Variants in EPHA6 observed in about 807,000 individuals in gnomAD.
The protein encoded by EPHA6 is EPH receptor A6.
Under a neutral mutation model 112.0 loss-of-function variants are expected in EPHA6, and 50 were observed. The ratio of observed to expected loss-of-function variants is 0.45; its 90% CI spans 0.36 to 0.56. The LOEUF (loss-of-function observed/expected upper bound fraction) is 0.56. Ranked by LOEUF, EPHA6 falls within the 20% of genes least tolerant of loss-of-function variation. The probability of loss-of-function intolerance (pLI) is 0.00; values close to 1 mark genes in which losing one functional copy is unlikely to be tolerated. For missense variants in EPHA6, 1,280 were observed against 1,417.4 expected (o/e 0.90, Z 1.56); for synonymous variants, 529 against 490.7 (o/e 1.08, Z -1.03).
chr3:97,736,462 AGAGAGAGAGTGTGTGTGTGT>A lies in EPHA6; in HGVS notation c.3128+346_3128+365del, dbSNP rs1158506269. Among the ~76,000 whole-genome samples the A allele has an allele frequency of 2.7e-5, 4 of 145,900 alleles. No homozygotes were observed. The Admixed American group carries it at 2.8e-4, about 10-fold the overall frequency. ...CCTTTAGAAGTAGAGAGAGAGAGAG[AGAGAGAGAGTGTGTGTGTGT>A]GTGTGTGTGTGTGTGTGTGTGTGTG... On this transcript the variant is annotated intron_variant, in intron 16 of 17. Transcript: ENST00000389672.
intron 14 of EPHA6, among the ~76,000 whole-genome samples, chr3:97,641,843 G>C (rs1053210142): frequency 2.6e-5 from 4 of 152,194 alleles, no homozygotes; most frequent in African/African-American, 9.6e-5. Flanking sequence ...CAAACTGCAA[G>C]GCGGCAGCGA....
chr3:97,199,405 C>G (rs1379540260), intron 3 of EPHA6, among the ~76,000 whole-genome samples: 1 of 152,060 alleles, frequency 6.6e-6, no homozygotes, highest in African/African-American at 2.4e-5. Flanking sequence ...TTGGGGAGCA[C>G]TGGAGAACTA....
intron 12 of EPHA6, among the ~76,000 whole-genome samples, chr3:97,600,912 T>C (rs1388218835): frequency 6.6e-6 from 1 of 152,128 alleles, no homozygotes; most frequent in Non-Finnish European, 1.5e-5. Flanking sequence ...TAAAAGAGCC[T>C]TTAAGTAATC....
intron 2 of EPHA6, among the ~76,000 whole-genome samples, chr3:96,891,593 C>A (rs911402737): frequency 1.3e-5 from 2 of 152,116 alleles, no homozygotes; most frequent in African/African-American, 4.8e-5. Flanking sequence ...CCTGTAATCC[C>A]AGCTACTTGG....
At chr3:96,956,048 T>C (rs2041744405) in intron 2 of EPHA6, among the ~76,000 whole-genome samples, 1 of 152,194 alleles carries the variant, frequency 6.6e-6, no homozygotes, top group Non-Finnish European at 1.5e-5. Context: ...AATTCCTGAG[T>C]AAATATTTCA....
At chr3:97,720,071 T>C (rs1408374476) in intron 14 of EPHA6, among the ~76,000 whole-genome samples, 190 bp from the exon 15 acceptor site, 1 of 152,236 alleles carries the variant, frequency 6.6e-6, no homozygotes, top group Non-Finnish European at 1.5e-5. Context: ...TAAAGCTATT[T>C]TTACTGAATA....
chr3:97,504,542 GT>G (rs1287748526), intron 10 of EPHA6, among the ~76,000 whole-genome samples: 2 of 152,132 alleles, frequency 1.3e-5, no homozygotes, highest in Non-Finnish European at 2.9e-5. Flanking sequence ...AGGGGACAGA[GT>G]TTTCCATTGC....
chr3:96,985,421 C>T, intron 2 of EPHA6, among the ~76,000 whole-genome samples: 1 of 151,904 alleles, frequency 6.6e-6, no homozygotes, highest in East Asian at 1.9e-4. Flanking sequence ...ATATTTTTTA[C>T]TATTATCTTG....
intron 2 of EPHA6, among the ~76,000 whole-genome samples, chr3:96,937,024 C>G (rs1439929296): frequency 6.6e-6 from 1 of 152,052 alleles, no homozygotes; most frequent in Non-Finnish European, 1.5e-5. Flanking sequence ...GGATATTTGG[C>G]TTGGTTCCAA....
At chr3:97,532,664 A>C in intron 11 of EPHA6, 121 bp downstream of exon 11, 4 of 794,620 alleles carry the variant, frequency 5.0e-6, no homozygotes, top group Non-Finnish European at 3.8e-6. Flanking sequence ...TTCAGATATC[A>C]TCACCCCCTC....
At chr3:97,582,912 T>A (rs2093452622) in intron 11 of EPHA6, among the ~76,000 whole-genome samples, 1 of 151,910 alleles carries the variant, frequency 6.6e-6, no homozygotes, top group Non-Finnish European at 1.5e-5. Context: ...GAACATTCTC[T>A]TTTAAACTTT....
chr3:97,077,039 G>T (rs2046549895), intron 3 of EPHA6, among the ~76,000 whole-genome samples: 1 of 152,080 alleles, frequency 6.6e-6, no homozygotes, highest in Admixed American at 6.6e-5. Context: ...CAACATCTGT[G>T]CTATAGCCCA....
rs138402560 is a variant in EPHA6 at position 97,180,932 on chromosome 3, C to G, written c.1115-45332C>G. On this transcript the variant is annotated intron_variant, in intron 3 of 17. Coordinates refer to ENST00000389672, the MANE Select transcript of EPHA6 (RefSeq NM_001080448.3). ...AACTGTCTCTGGACCTATTTCAGCA[C>G]TAGGACTCACCTAAGAGTTGTAGTC... 3.2e-3 allele frequency among the ~76,000 whole-genome samples: 480 copies of G among 151,992 alleles called. 2 individuals carry two copies. Among genetic ancestry groups the G allele is most frequent in the Non-Finnish European group, 5.5e-3 (372 of 67,952 alleles).
At chr3:97,198,468 T>A (rs2077496271) in intron 3 of EPHA6, among the ~76,000 whole-genome samples, 1 of 152,056 alleles carries the variant, frequency 6.6e-6, no homozygotes, top group Non-Finnish European at 1.5e-5. Flanking sequence ...ACTATAGAAG[T>A]CCCTCCCAGT....
intron 12 of EPHA6, among the ~76,000 whole-genome samples, chr3:97,594,272 CAGAA>C (rs1036768175): frequency 6.6e-6 from 1 of 152,174 alleles, no homozygotes; most frequent in African/African-American, 2.4e-5. Flanking sequence ...CTGAGAATGA[CAGAA>C]GGAAGATGAT....
In EPHA6 at chr3:97,650,842, T is replaced by A. The variant is rs1190286652; in HGVS notation, c.2784+12760T>A. 2.5e-5 allele frequency among the ~76,000 whole-genome samples: 3 copies of A among 119,066 alleles called. No homozygotes were observed. In the East Asian group the frequency reaches 8.0e-4, roughly 32 times the overall value. The allele number at this position is 119,066 out of a possible 152,430, so 78.1% of individuals were successfully genotyped here. ...ACTGCATTCCAGCCTGGGCAACAGT[T>A]CAAGACTCCATCTCAAAAAAAAAAA... On this transcript the variant is annotated intron_variant, in intron 14 of 17. Transcript: ENST00000389672.
intron 2 of EPHA6, among the ~76,000 whole-genome samples, chr3:96,870,883 A>G (rs1159211020): frequency 6.6e-6 from 1 of 152,064 alleles, no homozygotes; most frequent in Non-Finnish European, 1.5e-5. Flanking sequence ...TGCAATTTAT[A>G]TATTTCATAT....
chr3:97,345,818 A>G (rs1559906728), intron 5 of EPHA6, among the ~76,000 whole-genome samples: 1 of 152,278 alleles, frequency 6.6e-6, no homozygotes, highest in East Asian at 1.9e-4. Context: ...TCATTCTTTT[A>G]GTAGCTATAG....
intron 3 of EPHA6, among the ~76,000 whole-genome samples, chr3:97,207,106 T>C (rs1273558271): frequency 6.6e-6 from 1 of 152,148 alleles, no homozygotes; most frequent in African/African-American, 2.4e-5. Flanking sequence ...TTGAATATGG[T>C]ATTTCTTTGA....
Sources: allele counts gnomAD v4.1 joint callset (sites outside exome capture counted in the v4.1 genomes callset), GRCh38; gene constraint gnomAD v4.1.1; transcripts MANE v1.5; gene names NCBI Gene and HGNC (gene_info 2026-07-23, HGNC 2026-07-21).